Variants in ZFAND3 observed in about 807,000 individuals in gnomAD.
ZFAND3 encodes zinc finger AN1-type containing 3, also known as AN1-type zinc finger protein 3.
In ZFAND3, 10 loss-of-function variants were observed where a neutral mutation model predicts 29.6. The observed-to-expected ratio is 0.34, with a 90% confidence interval of 0.21 to 0.57. The LOEUF is 0.57. Among genes scored for constraint, ZFAND3 ranks in the 20% least tolerant of loss-of-function variants. The pLI is 0.86. For synonymous variants in ZFAND3, 128 were observed against 112.6 expected (o/e 1.14, Z -0.87); for missense variants, 230 against 304.5 (o/e 0.76, Z 1.82).
chr6:37,930,041 C>A (rs755031116), intron 2 of ZFAND3, 42 bp downstream of exon 2: 6 of 1,471,116 alleles, frequency 4.1e-6, no homozygotes, highest in Non-Finnish European at 5.4e-6. Context: ...TTTCATTTTT[C>A]TTTCTTTTTT....
intron 5 of ZFAND3, among the ~76,000 whole-genome samples, chr6:38,142,095 A>ATG (rs1260590461): frequency 6.6e-6 from 1 of 152,236 alleles, no homozygotes; most frequent in East Asian, 1.9e-4. Flanking sequence ...CTGAAAGAGA[A>ATG]TGTGTAGTTC....
At chr6:38,050,517 T>G (rs890148989) in intron 2 of ZFAND3, among the ~76,000 whole-genome samples, 4 of 152,080 alleles carry the variant, frequency 2.6e-5, no homozygotes, top group African/African-American at 9.7e-5. Flanking sequence ...GTGAGTGAGT[T>G]CCCATGAGAT....
At chr6:38,010,493 T>TA (rs1293003289) in intron 2 of ZFAND3, among the ~76,000 whole-genome samples, 1 of 152,208 alleles carries the variant, frequency 6.6e-6, no homozygotes, top group Non-Finnish European at 1.5e-5. Flanking sequence ...GGTTTGGTGA[T>TA]ATGTTGCTTG....
chr6:38,144,201 A>ATATATATATAT (rs1554183965), intron 5 of ZFAND3, among the ~76,000 whole-genome samples: 2 of 44,026 alleles, frequency 4.5e-5, no homozygotes, highest in African/African-American at 1.6e-4. Flanking sequence ...ATATATATAT[A>ATATATATATAT]TATATATATA....
intron 2 of ZFAND3, among the ~76,000 whole-genome samples, chr6:38,011,666 T>G (rs775247921): frequency 3.9e-5 from 6 of 152,236 alleles, no homozygotes; most frequent in Non-Finnish European, 7.3e-5. Flanking sequence ...CATCTTGGTT[T>G]GTAACTTGTA....
intron 5 of ZFAND3, among the ~76,000 whole-genome samples, chr6:38,123,867 C>T (rs1247438273): frequency 6.6e-6 from 1 of 152,098 alleles, no homozygotes; most frequent in Non-Finnish European, 1.5e-5. Flanking sequence ...GTTATAAAGG[C>T]AGTGCAGACC....
intron 1 of ZFAND3, among the ~76,000 whole-genome samples, chr6:37,915,412 C>G (rs756507664): frequency 2.0e-5 from 3 of 152,214 alleles, no homozygotes; most frequent in Non-Finnish European, 4.4e-5. Flanking sequence ...TTAGGCCTAT[C>G]TTGGCTTTCA....
intron 1 of ZFAND3, among the ~76,000 whole-genome samples, chr6:37,870,645 C>A (rs1764678756): frequency 6.7e-6 from 1 of 149,474 alleles, no homozygotes; most frequent in Non-Finnish European, 1.5e-5. Context: ...CTTCCACTGT[C>A]TTTTGGCCTT....
At chr6:37,896,530 C>CTTTCTTTCTTTCTTTCTT (rs1765211301) in intron 1 of ZFAND3, among the ~76,000 whole-genome samples, 1 of 116,746 alleles carries the variant, frequency 8.6e-6, no homozygotes. Context: ...TTCTTTCTTT[C>CTTTCTTTCTTTCTTTCTT]TTTCTTTCTT....
chr6:37,921,996 G>A (rs1347881225), intron 1 of ZFAND3, among the ~76,000 whole-genome samples: 6 of 151,490 alleles, frequency 4.0e-5, no homozygotes, highest in Non-Finnish European at 7.4e-5. Context: ...CCCAGGAGGC[G>A]GAGGTCACAG....
chr6:37,863,668 G>A (rs188866433), intron 1 of ZFAND3, among the ~76,000 whole-genome samples: 2 of 151,940 alleles, frequency 1.3e-5, no homozygotes, highest in African/African-American at 2.4e-5. Flanking sequence ...TTTTCAAATG[G>A]GTAAGCAGTC....
intron 1 of ZFAND3, among the ~76,000 whole-genome samples, chr6:37,870,182 G>A (rs1456969018): frequency 6.7e-6 from 1 of 150,336 alleles, no homozygotes; most frequent in Non-Finnish European, 1.5e-5. Context: ...GGTGGCACAC[G>A]CCTGTAGTCC....
intron 4 of ZFAND3, among the ~76,000 whole-genome samples, chr6:38,108,912 G>T (rs557895713): frequency 4.6e-5 from 7 of 152,164 alleles, no homozygotes; most frequent in Non-Finnish European, 8.8e-5. Context: ...CAGGCGCTTA[G>T]TGTATTATTC....
chr6:37,910,948 G>C (rs949757263), intron 1 of ZFAND3, among the ~76,000 whole-genome samples: 10 of 152,108 alleles, frequency 6.6e-5, no homozygotes, highest in African/African-American at 2.4e-4. Context: ...ATCCATTAAT[G>C]GGCACTTAGG....
chr6:38,149,515 C>T (rs944055208), intron 5 of ZFAND3, among the ~76,000 whole-genome samples: 3 of 151,342 alleles, frequency 2.0e-5, no homozygotes, highest in African/African-American at 7.3e-5. Context: ...GAGGGAATGT[C>T]AGGGTAGCTA....
chr6:37,889,102 C>G (rs911550913), intron 1 of ZFAND3, among the ~76,000 whole-genome samples: 1 of 152,176 alleles, frequency 6.6e-6, no homozygotes, highest in Non-Finnish European at 1.5e-5. Flanking sequence ...TTCAGCAGCT[C>G]TGCAATTTGC....
At chr6:37,872,246 C>A (rs1486414872) in intron 1 of ZFAND3, among the ~76,000 whole-genome samples, 1 of 152,198 alleles carries the variant, frequency 6.6e-6, no homozygotes, top group African/African-American at 2.4e-5. Flanking sequence ...AATGCAATTC[C>A]CATTTTCCGG....
intron 3 of ZFAND3, among the ~76,000 whole-genome samples, chr6:38,064,903 T>C (rs770959402): frequency 5.9e-5 from 9 of 152,146 alleles, no homozygotes; most frequent in Admixed American, 2.0e-4. Flanking sequence ...AAGTTTGTAT[T>C]GTGTGCAACT....
At chr6:38,105,632 C>T (rs1283474399) in intron 4 of ZFAND3, among the ~76,000 whole-genome samples, 2 of 152,062 alleles carry the variant, frequency 1.3e-5, no homozygotes, top group South Asian at 2.1e-4. Context: ...TGTTGTATGT[C>T]TTGATGGTAT....
Sources: allele counts gnomAD v4.1 joint callset (sites outside exome capture counted in the v4.1 genomes callset), GRCh38; gene constraint gnomAD v4.1.1; transcripts MANE v1.5; gene names NCBI Gene and HGNC (gene_info 2026-07-23, HGNC 2026-07-21).